The following CTNND2 variants were observed in gnomAD, a reference collection of about 807,000 sequenced individuals.
CTNND2 encodes catenin delta 2.
CTNND2 carries 22 observed loss-of-function variants against 144.4 expected under a neutral mutation model. The ratio of observed to expected loss-of-function variants is 0.15; its 90% CI spans 0.11 to 0.22. The LOEUF (loss-of-function observed/expected upper bound fraction) is 0.22, where lower values mean the gene tolerates loss of function less well. CTNND2 is among the 10% of genes least tolerant of loss of function. The pLI, the probability that CTNND2 is intolerant of heterozygous loss-of-function variation, is 1.00. For synonymous variants in CTNND2, 751 were observed against 695.6 expected, an observed-to-expected ratio of 1.08 and a Z score of -1.25; for missense variants, 1,353 against 1,618.8, an observed-to-expected ratio of 0.84 and a Z score of 2.82.
rs201704440 is a variant in CTNND2, at chr5:11,101,887, ATG to A, written c.2464-3141_2464-3140del. ...TATGTTATCTGCATGACGACCACAT[ATG>A]TGTGTGTGTGTGTGTGTGTGTGTGT... is the stretch of plus-strand genomic sequence containing the variant. On this transcript the variant is annotated intron_variant, in intron 14 of 21. Coordinates refer to ENST00000304623, the MANE Select transcript of CTNND2 (RefSeq NM_001332.4). Among the ~76,000 whole-genome samples, 1,386 of 145,126 alleles carry A rather than the reference ATG, an allele frequency of 9.6e-3. 9 individuals are homozygous for A. The highest frequency in any genetic ancestry group is 0.037 in the East Asian group (182 of 4,904).
intron 9 of CTNND2, among the ~76,000 whole-genome samples, chr5:11,330,191 G>T (rs1283447497): frequency 6.6e-6 from 1 of 151,694 alleles, no homozygotes; most frequent in Non-Finnish European, 1.5e-5. Context: ...TGAAAATCTG[G>T]CTGGGCACGG....
intron 2 of CTNND2, among the ~76,000 whole-genome samples, chr5:11,642,570 G>T (rs1354990688): frequency 6.6e-6 from 1 of 152,282 alleles, no homozygotes; most frequent in Non-Finnish European, 1.5e-5. Flanking sequence ...CAGTGGAGTT[G>T]GTCAAAGTGA....
At chr5:10,999,736 A>G (rs1410551126) in intron 18 of CTNND2, among the ~76,000 whole-genome samples, 2 of 152,240 alleles carry the variant, frequency 1.3e-5, no homozygotes, top group Non-Finnish European at 2.9e-5. Flanking sequence ...ATAGAGATAG[A>G]AATCCAAAAA....
At chr5:11,222,066 C>G (rs903185423) in intron 10 of CTNND2, among the ~76,000 whole-genome samples, 3 of 152,184 alleles carry the variant, frequency 2.0e-5, no homozygotes, top group Non-Finnish European at 2.9e-5. Flanking sequence ...AGTGCCGGCT[C>G]CTTCACCTGT....
intron 11 of CTNND2, among the ~76,000 whole-genome samples, chr5:11,182,969 T>C (rs796361506): frequency 1.3e-5 from 2 of 152,234 alleles, no homozygotes; most frequent in Admixed American, 6.5e-5. Flanking sequence ...TTTAGAGATA[T>C]TCCTTTCCAT....
At chr5:11,411,009 C>T (rs1207471289) in intron 5 of CTNND2, among the ~76,000 whole-genome samples, 1 of 151,734 alleles carries the variant, frequency 6.6e-6, no homozygotes, top group African/African-American at 2.4e-5. Context: ...ATAGCTGGGA[C>T]TATAGGCACG....
At chr5:11,126,014 T>C (rs765502152) in intron 12 of CTNND2, among the ~76,000 whole-genome samples, 16 of 152,186 alleles carry the variant, frequency 1.1e-4, no homozygotes, top group Non-Finnish European at 5.9e-5. Context: ...ATGGTATAAA[T>C]AGATCGGCTG....
chr5:11,770,085 G>C (rs535945425), intron 1 of CTNND2, among the ~76,000 whole-genome samples: 67 of 152,100 alleles, frequency 4.4e-4, no homozygotes, highest in Non-Finnish European at 7.4e-4. Flanking sequence ...TACCACCATG[G>C]GCTAAGTTGT....
chr5:11,549,218 C>A (rs1159311077), intron 3 of CTNND2, among the ~76,000 whole-genome samples: 1 of 152,122 alleles, frequency 6.6e-6, no homozygotes, highest in Admixed American at 6.5e-5. Flanking sequence ...AGCATAAAGA[C>A]TATAGGTTGC....
chr5:11,599,545 T>A (rs1387333382), intron 2 of CTNND2, among the ~76,000 whole-genome samples: 1 of 152,184 alleles, frequency 6.6e-6, no homozygotes, highest in Non-Finnish European at 1.5e-5. Context: ...TAGCATTTCT[T>A]CTCAAACATG....
In CTNND2 at chr5:11,880,870, ACTG is replaced by A. The variant is rs1409639240; in HGVS notation, c.37+22944_37+22946del. ...TACCACCACTACTACTACCACTACT[ACTG>A]CTACTAGTACTACTACTACTACCAT... On this transcript the variant is annotated intron_variant, in intron 1 of 21. Transcript: ENST00000304623. Among the ~76,000 whole-genome samples the A allele has an allele frequency of 7.2e-5, 9 of 124,464 alleles. 1 individual carries two copies. The highest frequency in any genetic ancestry group is 2.4e-4 in the Admixed American group (3 of 12,366). 81.7% of individuals were successfully genotyped at this position (124,464 alleles called of 152,430 possible).
chr5:11,423,518 A>G (rs961917971), intron 3 of CTNND2, among the ~76,000 whole-genome samples: 2 of 152,182 alleles, frequency 1.3e-5, no homozygotes, highest in Admixed American at 1.3e-4. Context: ...TTGTCGGACC[A>G]TCTCAGTTAA....
chr5:11,384,408 G>C lies in CTNND2; in HGVS notation c.1177+257C>G, dbSNP rs1168746274. The C allele has an allele frequency of 5.8e-6, 3 of 516,846 alleles. No homozygotes were observed. Among genetic ancestry groups the C allele is most frequent in the Non-Finnish European group, 1.0e-5 (3 of 293,946 alleles). The allele number at this position is 516,846 out of a possible 1,614,324, so 32.0% of individuals were successfully genotyped here. On this transcript the variant is annotated intron_variant, in intron 7 of 21. Coordinates refer to ENST00000304623, the MANE Select transcript of CTNND2 (RefSeq NM_001332.4). The surrounding 1 kb of genome is among the most constrained non-coding windows in gnomAD (Gnocchi z 5.2). Reference sequence around the variant, plus strand: ...GTCTTTAGGCTGGGGAGAGGGCAGAGAGAGAAGAGAGGAGAGAAGAGAGTG... The same window carrying C: ...GTCTTTAGGCTGGGGAGAGGGCAGACAGAGAAGAGAGGAGAGAAGAGAGTG...
Position 11,365,270 on chromosome 5 carries a change from A to G in CTNND2, c.1178-380T>C, listed in dbSNP as rs755793826. On this transcript the variant is annotated intron_variant, in intron 7 of 21. Transcript: ENST00000304623. ...TAGCCCTTGCACCTTAAATTGTACA[A>G]TAGAAATTATTTTAAATGGCGAGCC... Among the ~76,000 whole-genome samples, 12 of 152,242 alleles carry G rather than the reference A, an allele frequency of 7.9e-5. No individual in the cohort carries two copies. The South Asian group carries it at 8.3e-4, about 11-fold the overall frequency.
At chr5:11,832,560 T>C (rs1793964094) in intron 1 of CTNND2, among the ~76,000 whole-genome samples, 1 of 152,156 alleles carries the variant, frequency 6.6e-6, no homozygotes, top group African/African-American at 2.4e-5. Flanking sequence ...TAAAAAGATA[T>C]TCAACATCAA....
chr5:11,506,859 TAAACTC>T (rs1034348696), intron 3 of CTNND2, among the ~76,000 whole-genome samples: 27 of 152,326 alleles, frequency 1.8e-4, no homozygotes, highest in Middle Eastern at 3.4e-3. Flanking sequence ...ATCCATTACT[TAAACTC>T]AAACAGTATC....
chr5:11,229,492 C>T (rs1740740416), intron 10 of CTNND2, among the ~76,000 whole-genome samples: 1 of 152,020 alleles, frequency 6.6e-6, no homozygotes, highest in Non-Finnish European at 1.5e-5. Context: ...CACTGCACTC[C>T]AGCCTGGGTG....
In CTNND2 at chr5:11,268,393, G is replaced by A. The variant is rs149435317; in HGVS notation, c.1629-31570C>T. 6.7e-3 allele frequency among the ~76,000 whole-genome samples: 1,023 copies of A among 152,230 alleles called. 31 individuals carry two copies. The highest frequency in any genetic ancestry group is 0.044 in the Admixed American group (677 of 15,288). ...AGGCCAAGAGTTCAAGATCAGCCTAGACAACATGGTGAAACCTCATCTCTA... is the reference window on the plus strand; with the variant it reads ...AGGCCAAGAGTTCAAGATCAGCCTAAACAACATGGTGAAACCTCATCTCTA... On this transcript the variant is annotated intron_variant, in intron 9 of 21. Transcript: ENST00000304623.
chr5:11,096,758 G>T (rs1033869860), intron 15 of CTNND2, among the ~76,000 whole-genome samples: 1 of 151,980 alleles, frequency 6.6e-6, no homozygotes, highest in Non-Finnish European at 1.5e-5. Flanking sequence ...TAAAGGAAGA[G>T]AGAAAGAAGA....
Sources: allele counts gnomAD v4.1 joint callset (sites outside exome capture counted in the v4.1 genomes callset), GRCh38; gene constraint gnomAD v4.1.1; non-coding constraint Gnocchi (gnomAD v3.1); transcripts MANE v1.5; gene names NCBI Gene and HGNC (gene_info 2026-07-23, HGNC 2026-07-21).